PDZD2: variants seen among roughly 807,000 people sequenced by gnomAD.
PDZD2 encodes the protein PDZ domain containing 2.
In PDZD2, 90 loss-of-function variants were observed where a neutral mutation model predicts 220.7. The observed-to-expected ratio is 0.41, with a 90% CI of 0.34 to 0.49. The LOEUF (loss-of-function observed/expected upper bound fraction) is 0.49, where lower values mean the gene tolerates loss of function less well. Among genes scored for constraint, PDZD2 ranks in the 20% least tolerant of loss-of-function variants. The pLI is 0.28. For missense variants in PDZD2, 3,174 were observed against 3,608.5 expected (o/e 0.88, Z 3.08); for synonymous variants, 1,375 against 1,450.5 (o/e 0.95, Z 1.18).
chr5:31,841,606 G>A (rs541533267), intron 2 of PDZD2, among the ~76,000 whole-genome samples: 1 of 152,132 alleles, frequency 6.6e-6, no homozygotes, highest in South Asian at 2.1e-4. Flanking sequence ...CCAGGAGGCG[G>A]AGGTTGCAGT....
At chr5:31,916,280 T>C (rs1743669996) in intron 2 of PDZD2, among the ~76,000 whole-genome samples, 1 of 152,206 alleles carries the variant, frequency 6.6e-6, no homozygotes, top group Non-Finnish European at 1.5e-5. Flanking sequence ...CTCGGTGTCA[T>C]TCAGAGACAG....
At position 32,109,554 on chromosome 5, in the gene PDZD2, T is replaced by TAAAG. The variant is rs975273019; in HGVS notation, c.*1421_*1424dup. On this transcript the variant is annotated 3_prime_UTR_variant, in exon 25 of 25. Coordinates refer to ENST00000438447, the MANE Select transcript of PDZD2 (RefSeq NM_178140.4). ...ATAATTCCAAACTCTCATCGGGTCATAAAGAGGAGGAGAAACAGGGTGAGT... is the reference window on the plus strand; with the variant it reads ...ATAATTCCAAACTCTCATCGGGTCATAAAGAAAGAGGAGGAGAAACAGGGTGAGT... 4 of 152,072 alleles carry TAAAG rather than the reference T, an allele frequency of 2.6e-5. No homozygotes were observed. The highest frequency in any genetic ancestry group is 1.9e-4 in the East Asian group (1 of 5,192). The allele number at this position is 152,072 out of a possible 1,614,324, so 9.4% of individuals were successfully genotyped here. A position where few individuals can be genotyped will look rare whatever the true frequency, so the allele number is the denominator to read the frequency against.
At chr5:32,007,674 C>A (rs1395842100) in intron 5 of PDZD2, among the ~76,000 whole-genome samples, 1 of 152,200 alleles carries the variant, frequency 6.6e-6, no homozygotes, top group Non-Finnish European at 1.5e-5. Flanking sequence ...TGTTAACCCT[C>A]ACGCAATGTG....
intron 2 of PDZD2, chr5:31,923,672 A>G (rs1744491725): frequency 4.6e-6 from 3 of 657,064 alleles, no homozygotes; most frequent in Non-Finnish European, 8.7e-6. Context: ...AACCTGTAGC[A>G]GAGTGGAACT....
intron 1 of PDZD2, among the ~76,000 whole-genome samples, chr5:31,642,441 G>C (rs534317880): frequency 4.1e-4 from 63 of 152,196 alleles, no homozygotes; most frequent in Non-Finnish European, 8.4e-4. Context: ...TGATAGAACA[G>C]TGTCTGCAAG....
At chr5:32,006,803 C>T (rs1752848908) in intron 5 of PDZD2, among the ~76,000 whole-genome samples, 2 of 150,582 alleles carry the variant, frequency 1.3e-5, no homozygotes, top group African/African-American at 4.9e-5. Flanking sequence ...TATTCTTCTG[C>T]CTCAGCCTCC....
At chr5:32,070,903 G>GAAAATTGCTTGAACCCGGGAGGC (rs33959770) in intron 15 of PDZD2, among the ~76,000 whole-genome samples, 2 of 151,602 alleles carry the variant, frequency 1.3e-5, no homozygotes, top group South Asian at 4.2e-4. Flanking sequence ...GCTGAGACAG[G>GAAAATTGCTTGAACCCGGGAGGC]AGAGGTTTCA....
intron 1 of PDZD2, among the ~76,000 whole-genome samples, chr5:31,758,447 C>G (rs61599534): frequency 6.6e-6 from 1 of 152,120 alleles, no homozygotes; most frequent in Non-Finnish European, 1.5e-5. Flanking sequence ...CAAAGGAGCA[C>G]GTCCAGGCCC....
At chr5:31,801,147 G>A (rs544533075) in intron 2 of PDZD2, among the ~76,000 whole-genome samples, 1 of 152,208 alleles carries the variant, frequency 6.6e-6, no homozygotes, top group Non-Finnish European at 1.5e-5. Context: ...AAATGATCCA[G>A]TACATGGAAA....
chr5:31,813,168 C>T (rs1033201386), intron 2 of PDZD2, among the ~76,000 whole-genome samples: 1 of 152,156 alleles, frequency 6.6e-6, no homozygotes, highest in South Asian at 2.1e-4. Flanking sequence ...TAAGTATTCA[C>T]GGCCAGGTGC....
In PDZD2 at chr5:31,639,647, G is replaced by A. The variant is rs968128304; in HGVS notation, c.-361+210G>A. Among the ~76,000 whole-genome samples the A allele has an allele frequency of 6.6e-6, 1 of 152,216 alleles. No individual in the cohort carries two copies. Among genetic ancestry groups the A allele is most frequent in the African/African-American group, 2.4e-5 (1 of 41,466 alleles). ...CAAACTCCTCTAGCATCCGGCCGGG[G>A]ACGGGGAGGGCGCAGCCCAGGGGAG... On this transcript the variant is annotated intron_variant, in intron 1 of 24. Transcript: ENST00000438447. This position sits in a 1 kb window ranked among gnomAD's most constrained non-coding sequence, Gnocchi z 4.1.
intron 1 of PDZD2, among the ~76,000 whole-genome samples, chr5:31,687,897 C>A (rs1477378526): frequency 6.6e-6 from 1 of 152,140 alleles, no homozygotes; most frequent in African/African-American, 2.4e-5. Flanking sequence ...CTTGTCCCTG[C>A]CTCCAGTGCA....
chr5:31,709,511 G>T lies in PDZD2; in HGVS notation c.-361+70074G>T, dbSNP rs200757671. Among the ~76,000 whole-genome samples the T allele has an allele frequency of 1.7e-3, 59 of 35,534 alleles. 1 individual carries two copies. The highest frequency in any genetic ancestry group is 3.2e-3 in the Admixed American group (15 of 4,616). The allele number at this position is 35,534 out of a possible 152,430, so 23.3% of individuals were successfully genotyped here. On this transcript the variant is annotated intron_variant, in intron 1 of 24. Coordinates refer to ENST00000438447, the MANE Select transcript of PDZD2 (RefSeq NM_178140.4). ...AAAAAAAATAAAATAAAAGGTGAGAGAAAAGGTGAGAGCTAGGGTTTGTCC... is the reference window on the plus strand; with the variant it reads ...AAAAAAAATAAAATAAAAGGTGAGATAAAAGGTGAGAGCTAGGGTTTGTCC...
intron 14 of PDZD2, among the ~76,000 whole-genome samples, chr5:32,062,420 G>T (rs1386638501): frequency 6.8e-6 from 1 of 147,838 alleles, no homozygotes; most frequent in Non-Finnish European, 1.5e-5. Flanking sequence ...TTGAGACAGG[G>T]TCTCCCTCTG....
At chr5:31,763,870 T>TTTAAAA (rs1401600794) in intron 1 of PDZD2, among the ~76,000 whole-genome samples, 1 of 137,536 alleles carries the variant, frequency 7.3e-6, no homozygotes, top group East Asian at 2.1e-4. Context: ...GCCCTCTGAT[T>TTTAAAA]AAAAAAAAAA....
At chr5:32,045,719 G>A (rs988220476) in intron 7 of PDZD2, among the ~76,000 whole-genome samples, 2 of 151,220 alleles carry the variant, frequency 1.3e-5, no homozygotes, top group African/African-American at 2.4e-5. Context: ...GAGTCACCGC[G>A]CCCAGCCTAT....
At chr5:31,858,792 C>G (rs1010062279) in intron 2 of PDZD2, among the ~76,000 whole-genome samples, 3 of 147,102 alleles carry the variant, frequency 2.0e-5, no homozygotes, top group African/African-American at 7.4e-5. Flanking sequence ...GATTTCAACT[C>G]ACTGCAACCT....
chr5:31,997,241 T>C (rs1751708032), intron 4 of PDZD2, among the ~76,000 whole-genome samples: 1 of 152,158 alleles, frequency 6.6e-6, no homozygotes, highest in Non-Finnish European at 1.5e-5. Context: ...ACCAGACTGG[T>C]ACTGGCCTGC....
At chr5:31,870,020 CAGAA>C (rs1199434653) in intron 2 of PDZD2, among the ~76,000 whole-genome samples, 1 of 152,184 alleles carries the variant, frequency 6.6e-6, no homozygotes, top group Non-Finnish European at 1.5e-5. Context: ...AAAGGGAAGA[CAGAA>C]AGCCACTGAC....
Sources: gnomAD v4.1 joint callset for allele counts (sites outside exome capture counted in the v4.1 genomes callset) on GRCh38, gnomAD v4.1.1 for gene constraint, Gnocchi (gnomAD v3.1) non-coding constraint, MANE v1.5 for transcripts, NCBI Gene and HGNC (gene_info 2026-07-23, HGNC 2026-07-21) for gene names.